The following DLC1 variants were observed in gnomAD, a reference collection of about 807,000 sequenced individuals.
DLC1 encodes the protein rho GTPase-activating protein 7.
A neutral mutation model predicts 140.3 loss-of-function variants in DLC1; 54 were observed. The ratio of observed to expected loss-of-function variants is 0.38; its 90% CI spans 0.31 to 0.48. The LOEUF (loss-of-function observed/expected upper bound fraction) is 0.48, where lower values mean the gene tolerates loss of function less well. Among genes scored for constraint, DLC1 ranks in the 20% least tolerant of loss-of-function variants. DLC1 has a pLI of 0.96. For missense variants in DLC1, 2,536 were observed against 1,907.0 expected (o/e 1.33, Z -6.14); for synonymous variants, 986 against 728.1 (o/e 1.35, Z -5.70).
At chr8:13,340,898 C>T (rs1417414623) in intron 4 of DLC1, 1 of 152,180 alleles carries the variant, frequency 6.6e-6, no homozygotes, top group Admixed American at 6.5e-5. Context: ...ATGGCTGCGC[C>T]CAATTGCAAG....
chr8:13,474,389 G>T (rs190358163), intron 2 of DLC1, among the ~76,000 whole-genome samples: 5 of 152,324 alleles, frequency 3.3e-5, no homozygotes, highest in Admixed American at 3.3e-4. Context: ...TGCTGCAGGG[G>T]TGAGGCCCTC....
At chr8:13,576,729 T>C (rs62493196) in intron 1 of DLC1, among the ~76,000 whole-genome samples, 2 of 151,828 alleles carry the variant, frequency 1.3e-5, no homozygotes, top group African/African-American at 4.8e-5. Flanking sequence ...CTCCCCAGAG[T>C]AGGGTATGAT....
At chr8:13,505,974 G>T (rs1802042074) in intron 1 of DLC1, among the ~76,000 whole-genome samples, 1 of 152,118 alleles carries the variant, frequency 6.6e-6, no homozygotes, top group African/African-American at 2.4e-5. Context: ...ACAGTACTTG[G>T]AAAGATGGCA....
chr8:13,231,131 A>G (rs1345730165), intron 5 of DLC1, among the ~76,000 whole-genome samples: 1 of 152,102 alleles, frequency 6.6e-6, no homozygotes, highest in Admixed American at 6.5e-5. Context: ...AGTTGCATAC[A>G]TTACAAATAA....
intron 4 of DLC1, among the ~76,000 whole-genome samples, chr8:13,360,836 T>G (rs1477692613): frequency 2.0e-5 from 3 of 152,188 alleles, no homozygotes; most frequent in Admixed American, 2.0e-4. Flanking sequence ...CTTCTTTCAA[T>G]GCTAATTGTT....
chr8:13,215,499 T>C (rs1330063944), intron 5 of DLC1, among the ~76,000 whole-genome samples: 1 of 152,066 alleles, frequency 6.6e-6, no homozygotes, highest in Non-Finnish European at 1.5e-5. Flanking sequence ...GGCAGCAGGA[T>C]CACTTGAGCC....
At chr8:13,566,778 G>T (rs969880281) in intron 1 of DLC1, 2 of 613,950 alleles carry the variant, frequency 3.3e-6, no homozygotes, top group Non-Finnish European at 5.2e-6. Flanking sequence ...GCGCTGGGGA[G>T]CGCGGAGGAA....
At chr8:13,224,587 G>T (rs1828703903) in intron 5 of DLC1, among the ~76,000 whole-genome samples, 2 of 152,146 alleles carry the variant, frequency 1.3e-5, no homozygotes, top group South Asian at 4.1e-4. Flanking sequence ...CCTAAGGGGT[G>T]GTCAAAGGTT....
intron 1 of DLC1, among the ~76,000 whole-genome samples, chr8:13,551,179 A>G (rs1803836068): frequency 6.6e-6 from 1 of 151,824 alleles, no homozygotes; most frequent in South Asian, 2.1e-4. Flanking sequence ...AACTATAATT[A>G]ATACTTGGTG....
chr8:13,598,959 C>T (rs951043468), intron 1 of DLC1, among the ~76,000 whole-genome samples: 2 of 151,468 alleles, frequency 1.3e-5, no homozygotes, highest in Admixed American at 6.6e-5. Flanking sequence ...TTTAAAATAA[C>T]CTATAGTTAT....
intron 5 of DLC1, among the ~76,000 whole-genome samples, chr8:13,239,313 G>C (rs1199537009): frequency 6.6e-6 from 1 of 151,972 alleles, no homozygotes; most frequent in Non-Finnish European, 1.5e-5. Flanking sequence ...CCAGTACTGG[G>C]ATGCTGTGTA....
chr8:13,315,855 G>A (rs1028066980), intron 4 of DLC1, among the ~76,000 whole-genome samples: 1 of 152,080 alleles, frequency 6.6e-6, no homozygotes, highest in African/African-American at 2.4e-5. Context: ...GTTCATTTTT[G>A]GTGACAAAGT....
intron 5 of DLC1, among the ~76,000 whole-genome samples, chr8:13,177,241 C>G (rs1476093982): frequency 6.6e-6 from 1 of 152,046 alleles, no homozygotes; most frequent in Non-Finnish European, 1.5e-5. Flanking sequence ...TGGGGGGTTT[C>G]TTGGGTCTTG....
intron 10 of DLC1, among the ~76,000 whole-genome samples, chr8:13,097,958 T>C (rs1585605309): frequency 1.4e-5 from 2 of 140,440 alleles, no homozygotes; most frequent in Non-Finnish European, 3.0e-5. Context: ...CCGAGGCAGG[T>C]GGATCTCTTG....
intron 5 of DLC1, among the ~76,000 whole-genome samples, chr8:13,285,417 G>C (rs1043155396): frequency 6.6e-6 from 1 of 152,096 alleles, no homozygotes; most frequent in African/African-American, 2.4e-5. Flanking sequence ...ATAGACCACA[G>C]ACCTAAATGT....
At chr8:13,239,719 CCAACTT>C (rs1488110316) in intron 5 of DLC1, among the ~76,000 whole-genome samples, 5 of 152,158 alleles carry the variant, frequency 3.3e-5, no homozygotes, top group African/African-American at 1.2e-4. Flanking sequence ...GCTATGTTCT[CCAACTT>C]CAAAGGAGAA....
chr8:13,509,255 A>G (rs1039678510), intron 1 of DLC1, among the ~76,000 whole-genome samples: 1 of 152,214 alleles, frequency 6.6e-6, no homozygotes, highest in South Asian at 2.1e-4. Flanking sequence ...AATAACAGAT[A>G]TAGCTACATC....
At chr8:13,133,592 C>A (rs1033616454) in intron 5 of DLC1, 1 of 144,158 alleles carries the variant, frequency 6.9e-6, no homozygotes, top group Non-Finnish European at 1.5e-5. Context: ...GGAATGTTTC[C>A]CCCACGGGCC....
At chr8:13,437,719 G>C (rs1839186397) in intron 2 of DLC1, among the ~76,000 whole-genome samples, 1 of 152,144 alleles carries the variant, frequency 6.6e-6, no homozygotes, top group South Asian at 2.1e-4. Context: ...TTCAGTCCAT[G>C]ACCTGGCTGC....
Sources: allele counts gnomAD v4.1 joint callset (sites outside exome capture counted in the v4.1 genomes callset), GRCh38; gene constraint gnomAD v4.1.1; transcripts MANE v1.5; gene names NCBI Gene and HGNC (gene_info 2026-07-23, HGNC 2026-07-21).